TTC28: variants seen among roughly 807,000 people sequenced by gnomAD.
The protein encoded by TTC28 is tetratricopeptide repeat domain 28.
In TTC28, 61 loss-of-function variants were observed where a neutral mutation model predicts 198.0. That is an observed-to-expected ratio of 0.31 (90% CI 0.25 to 0.38). TTC28 has a LOEUF of 0.38. Among genes scored for constraint, TTC28 ranks in the 10% least tolerant of loss-of-function variants. The probability of loss-of-function intolerance (pLI) is 1.00; values close to 1 mark genes in which losing one functional copy is unlikely to be tolerated. For synonymous variants in TTC28, 1,171 were observed against 1,297.8 expected (o/e 0.90, Z 2.10); for missense variants, 2,678 against 3,164.0 (o/e 0.85, Z 3.69).
At chr22:28,174,236 C>T (rs1922947392) in intron 5 of TTC28, among the ~76,000 whole-genome samples, 1 of 152,216 alleles carries the variant, frequency 6.6e-6, no homozygotes, top group African/African-American at 2.4e-5. Flanking sequence ...ATATTAATAT[C>T]TCACAGAGCC....
chr22:28,597,456 G>T (rs981648323), intron 2 of TTC28, among the ~76,000 whole-genome samples: 1 of 152,060 alleles, frequency 6.6e-6, no homozygotes, highest in Non-Finnish European at 1.5e-5. Context: ...AACTATGCAC[G>T]TAAGCATCTG....
chr22:28,326,975 AACACACACACACAC>A lies in TTC28; in HGVS notation c.382-20346_382-20333del, dbSNP rs57349023. 5.5e-4 allele frequency among the ~76,000 whole-genome samples: 78 copies of A among 142,930 alleles called. 1 individual carries two copies. The highest frequency in any genetic ancestry group is 5.4e-3 in the East Asian group (27 of 4,960). 93.8% of individuals were successfully genotyped at this position (142,930 alleles called of 152,430 possible). ...TCAATGAAAAGCATACACAAACACA[AACACACACACACAC>A]ACACACACACACACACACACACACA... On this transcript the variant is annotated intron_variant, in intron 2 of 22. Coordinates refer to ENST00000397906, the MANE Select transcript of TTC28 (RefSeq NM_001145418.2).
At chr22:28,209,671 A>C (rs1926735750) in intron 5 of TTC28, among the ~76,000 whole-genome samples, 1 of 152,214 alleles carries the variant, frequency 6.6e-6, no homozygotes, top group African/African-American at 2.4e-5. Context: ...ACCACAGCTC[A>C]AGGAGGCCTG....
At chr22:27,989,329 C>A (rs923504703) in intron 21 of TTC28, among the ~76,000 whole-genome samples, 11 of 152,204 alleles carry the variant, frequency 7.2e-5, no homozygotes, top group African/African-American at 2.7e-4. Flanking sequence ...AACACTGAAA[C>A]CATTATCATC....
At chr22:28,044,637 T>C (rs1224253007) in intron 12 of TTC28, among the ~76,000 whole-genome samples, 2 of 152,174 alleles carry the variant, frequency 1.3e-5, no homozygotes, top group African/African-American at 4.8e-5. Flanking sequence ...CGGTATGTGA[T>C]GTTCCCCTTC....
intron 5 of TTC28, among the ~76,000 whole-genome samples, chr22:28,266,163 G>C (rs1457283418): frequency 6.7e-6 from 1 of 149,456 alleles, no homozygotes. Context: ...TTGGGCAACA[G>C]AGCGAGACTC....
At chr22:28,540,810 T>A (rs1190515154) in intron 2 of TTC28, among the ~76,000 whole-genome samples, 1 of 152,188 alleles carries the variant, frequency 6.6e-6, no homozygotes, top group African/African-American at 2.4e-5. Flanking sequence ...TCCTTCATTC[T>A]ACAGGGGAAA....
chr22:28,451,897 C>T (rs1046743652), intron 2 of TTC28, among the ~76,000 whole-genome samples: 1 of 152,122 alleles, frequency 6.6e-6, no homozygotes, highest in East Asian at 1.9e-4. Flanking sequence ...TTAATTAAAA[C>T]TTATCTGGAA....
intron 2 of TTC28, among the ~76,000 whole-genome samples, chr22:28,349,485 A>C (rs979970626): frequency 6.6e-6 from 1 of 152,200 alleles, no homozygotes; most frequent in East Asian, 1.9e-4. Flanking sequence ...GAATGGTACT[A>C]AAGAATACTG....
chr22:28,566,686 G>C (rs1489263414), intron 2 of TTC28, among the ~76,000 whole-genome samples: 2 of 151,868 alleles, frequency 1.3e-5, no homozygotes, highest in Admixed American at 6.6e-5. Context: ...ATAAAACAAA[G>C]AGAGTAATTT....
intron 14 of TTC28, chr22:28,007,775 C>T (rs1937986855): frequency 6.6e-6 from 1 of 152,236 alleles, no homozygotes. Context: ...ACTCATGTAA[C>T]AGCAGCCATC....
intron 1 of TTC28, among the ~76,000 whole-genome samples, chr22:28,672,710 C>T (rs1267048576): frequency 1.3e-5 from 2 of 152,182 alleles, no homozygotes; most frequent in Non-Finnish European, 2.9e-5. Context: ...TTTTGCTAGA[C>T]ACCAAAAGTC....
chr22:28,431,392 A>G (rs1359101465), intron 2 of TTC28, among the ~76,000 whole-genome samples: 1 of 152,238 alleles, frequency 6.6e-6, no homozygotes, highest in Non-Finnish European at 1.5e-5. Context: ...CTAAACAAAT[A>G]TCTGGTTTTA....
intron 2 of TTC28, among the ~76,000 whole-genome samples, chr22:28,479,678 C>A (rs1294164055): frequency 6.6e-6 from 1 of 152,124 alleles, no homozygotes; most frequent in Non-Finnish European, 1.5e-5. Context: ...AATCTCAAAG[C>A]TTACATGAGC....
At chr22:28,105,895 T>A (rs1435020107) in intron 7 of TTC28, 93 bp from the exon 8 acceptor site, 28 of 1,391,566 alleles carry the variant, frequency 2.0e-5, no homozygotes, top group Non-Finnish European at 2.6e-5. Flanking sequence ...TTTGTCACTG[T>A]CACTTACTAT....
At chr22:28,191,987 C>G (rs1302442377) in intron 5 of TTC28, among the ~76,000 whole-genome samples, 1 of 152,208 alleles carries the variant, frequency 6.6e-6, no homozygotes, top group Admixed American at 6.5e-5. Flanking sequence ...GGACAGACTG[C>G]CTCCTCAGGT....
chr22:28,528,098 T>C (rs902453323), intron 2 of TTC28, among the ~76,000 whole-genome samples: 25 of 152,264 alleles, frequency 1.6e-4, no homozygotes, highest in African/African-American at 5.8e-4. Context: ...CAAATGAAAT[T>C]TGGGGGGCAC....
intron 3 of TTC28, among the ~76,000 whole-genome samples, chr22:28,300,543 C>T (rs1006249422): frequency 2.0e-5 from 3 of 151,720 alleles, no homozygotes; most frequent in Admixed American, 1.3e-4. Context: ...TTTCCCTTCT[C>T]GGTATATAGG....
intron 12 of TTC28, among the ~76,000 whole-genome samples, chr22:28,079,219 G>A (rs1941258717): frequency 6.6e-6 from 1 of 152,346 alleles, no homozygotes; most frequent in Admixed American, 6.5e-5. Context: ...GGAAAGCCAT[G>A]AGAGGGAGAA....
Sources: allele counts gnomAD v4.1 joint callset (sites outside exome capture counted in the v4.1 genomes callset), GRCh38; gene constraint gnomAD v4.1.1; transcripts MANE v1.5; gene names NCBI Gene and HGNC (gene_info 2026-07-23, HGNC 2026-07-21).